ZNF469: variants seen among roughly 807,000 people sequenced by gnomAD.
ZNF469 encodes the protein zinc finger protein 469.
Under a neutral mutation model 1.0 loss-of-function variants are expected in ZNF469, and 1 was observed. That is an observed-to-expected ratio of 1.00 (90% CI 0.35 to 4.73). The LOEUF is 4.73. ZNF469 is among the 30% of genes most tolerant of loss of function. The probability of loss-of-function intolerance (pLI) is 0.16; values close to 1 mark genes in which losing one functional copy is unlikely to be tolerated. For missense variants in ZNF469, 6,100 were observed against 5,356.3 expected, an observed-to-expected ratio of 1.14 and a Z score of -4.33; for synonymous variants, 2,703 against 2,363.4, an observed-to-expected ratio of 1.14 and a Z score of -4.17.
At chr16:88,255,921 G>A in the ZNF469 span, among the ~76,000 whole-genome samples, 5 of 152,318 alleles carry the variant, frequency 3.3e-5, 1 homozygote, top group African/African-American at 1.2e-4. Flanking sequence ...TCTTAGGGTT[G>A]GCATGTTTCT....
the ZNF469 span, among the ~76,000 whole-genome samples, chr16:88,318,787 CAGA>C: frequency 6.6e-6 from 1 of 152,222 alleles, no homozygotes; most frequent in Admixed American, 6.5e-5. Flanking sequence ...GGAGTCTGTG[CAGA>C]AGGACCACTG....
Position 88,437,357 on chromosome 16 carries a change from T to G in ZNF469, c.9887T>G (p.Leu3296Arg). The change falls in exon 3 of 3, where the codon CTG becomes CGG. Residue 3296 changes from leucine to arginine, a missense_variant. By Grantham distance (102) the Leu-to-Arg change is moderately radical (BLOSUM62 -2). Coordinates refer to ENST00000565624, the MANE Select transcript of ZNF469 (RefSeq NM_001367624.2). ...CCAGACAGCGCCTCTGCCACCGCCCTGGCTGACGCCGGCAGCCCGGGCCCC... is the reference window on the plus strand; with the variant it reads ...CCAGACAGCGCCTCTGCCACCGCCCGGGCTGACGCCGGCAGCCCGGGCCCC... ...ATPDSASATA[L>R]ADAGSPGPPR... is the part of the protein sequence containing the mutation. 1 of 1,542,176 alleles carries G rather than the reference T, an allele frequency of 6.5e-7. No homozygotes were observed. The highest frequency in any genetic ancestry group is 8.7e-7 in the Non-Finnish European group (1 of 1,143,120).
chr16:88,370,837 G>A, the ZNF469 span, among the ~76,000 whole-genome samples: 18 of 152,230 alleles, frequency 1.2e-4, no homozygotes, highest in Non-Finnish European at 2.5e-4. Flanking sequence ...TGGGGCAGTA[G>A]CAAGTGCGAT....
the ZNF469 span, among the ~76,000 whole-genome samples, chr16:88,313,878 G>A: frequency 6.6e-6 from 1 of 151,340 alleles, no homozygotes; most frequent in Non-Finnish European, 1.5e-5. Context: ...GAATATCTCT[G>A]TGATTATGAT....
chr16:88,315,148 G>A, the ZNF469 span, among the ~76,000 whole-genome samples: 8 of 152,356 alleles, frequency 5.3e-5, no homozygotes, highest in African/African-American at 1.7e-4. Flanking sequence ...TGAGAGCCAG[G>A]GGCAGGAAGG....
At chr16:88,190,880 G>A in the ZNF469 span, among the ~76,000 whole-genome samples, 3 of 152,178 alleles carry the variant, frequency 2.0e-5, no homozygotes, top group African/African-American at 4.8e-5. Context: ...GTTCATCATC[G>A]CTCTTCCCAG....
the ZNF469 span, among the ~76,000 whole-genome samples, chr16:88,372,552 TACCATCTTC>T: frequency 1.1e-4 from 16 of 146,362 alleles, no homozygotes; most frequent in Non-Finnish European, 1.7e-4. Context: ...TCACCATCTT[TACCATCTTC>T]ACCATCATCA....
chr16:88,394,191 C>T (rs879721875), intron 1 of ZNF469, among the ~76,000 whole-genome samples: 19,476 of 136,144 alleles, frequency 0.14, 6,660 homozygotes, highest in Non-Finnish European at 0.18. Context: ...ACCTGCGCTG[C>T]CTGGGAGGAG....
the ZNF469 span, among the ~76,000 whole-genome samples, chr16:88,133,740 T>C: frequency 6.6e-6 from 1 of 152,176 alleles, no homozygotes; most frequent in Non-Finnish European, 1.5e-5. Context: ...TATAAAATTC[T>C]TGTGTTTTGA....
chr16:88,206,085 C>T, the ZNF469 span, among the ~76,000 whole-genome samples: 5 of 152,194 alleles, frequency 3.3e-5, no homozygotes, highest in Non-Finnish European at 7.4e-5. Flanking sequence ...GGGAGCTGTG[C>T]TGACCCCCCG....
chr16:88,143,955 C>T, the ZNF469 span, among the ~76,000 whole-genome samples: 1 of 152,194 alleles, frequency 6.6e-6, no homozygotes, highest in Non-Finnish European at 1.5e-5. Context: ...GGCTCTGGGC[C>T]TCCCATCTGC....
At chr16:88,224,434 C>T in the ZNF469 span, among the ~76,000 whole-genome samples, 1 of 152,216 alleles carries the variant, frequency 6.6e-6, no homozygotes, top group African/African-American at 2.4e-5. Context: ...CTGTAACATG[C>T]GCTGGAGGAA....
At chr16:88,237,924 A>G in the ZNF469 span, among the ~76,000 whole-genome samples, 3 of 152,194 alleles carry the variant, frequency 2.0e-5, no homozygotes, top group Non-Finnish European at 4.4e-5. Context: ...ATCACACAGT[A>G]TCCAGCCTTC....
At position 88,434,629 on chromosome 16, in the gene ZNF469, C is replaced by A. The variant is rs886052409; in HGVS notation, c.7159C>A (p.Arg2387Ser). The change falls in exon 3 of 3, where the codon CGC (arginine) becomes AGC (serine). Residue 2387 changes from arginine to serine, a missense_variant. Coordinates refer to ENST00000565624, the MANE Select transcript of ZNF469 (RefSeq NM_001367624.2). ...PEDPGTPETG[R>S]SGATKMPRVT... The stretch of plus-strand genomic sequence containing the variant: ...GGACCCAGGGACCCCTGAGACCGGG[C>A]GCTCTGGTGCTACCAAGATGCCCAG... 3.2e-6 allele frequency: 5 copies of A among 1,550,178 alleles called. No individual in the cohort carries two copies. In the African/African-American group the frequency reaches 6.8e-5, roughly 21 times the overall value.
chr16:88,310,686 G>A, the ZNF469 span, among the ~76,000 whole-genome samples: 2 of 151,938 alleles, frequency 1.3e-5, no homozygotes, highest in African/African-American at 2.4e-5. Flanking sequence ...GGGTTCAAGC[G>A]ATTCTCCTGC....
At chr16:88,200,950 G>T in the ZNF469 span, among the ~76,000 whole-genome samples, 1 of 152,232 alleles carries the variant, frequency 6.6e-6, no homozygotes. Flanking sequence ...CTCCGGCCCT[G>T]CCTGCAGCAG....
chr16:88,402,807 A>G (rs1904920403), intron 1 of ZNF469, among the ~76,000 whole-genome samples: 1 of 152,072 alleles, frequency 6.6e-6, no homozygotes, highest in African/African-American at 2.4e-5. Flanking sequence ...GAACTCCCTT[A>G]TGCACTTCAT....
chr16:88,322,873 G>A, the ZNF469 span, among the ~76,000 whole-genome samples: 2 of 152,134 alleles, frequency 1.3e-5, no homozygotes, highest in East Asian at 1.9e-4. Flanking sequence ...AGGAGACTTT[G>A]GGCAGGCCTG....
chr16:88,173,347 G>C, the ZNF469 span, among the ~76,000 whole-genome samples: 1 of 152,316 alleles, frequency 6.6e-6, no homozygotes, highest in Non-Finnish European at 1.5e-5. Context: ...GGTTGGTGGG[G>C]AGAACCTGCC....
Sources: gnomAD v4.1 joint callset for allele counts (sites outside exome capture counted in the v4.1 genomes callset) on GRCh38, gnomAD v4.1.1 for gene constraint, MANE v1.5 for transcripts, NCBI Gene and HGNC (gene_info 2026-07-23, HGNC 2026-07-21) for gene names.